Variants in PLEKHG3 observed in about 807,000 individuals in gnomAD.
The protein encoded by PLEKHG3 is pleckstrin homology domain-containing family G member 3.
A neutral mutation model predicts 94.9 loss-of-function variants in PLEKHG3; 62 were observed. The ratio of observed to expected loss-of-function variants is 0.65; its 90% CI spans 0.53 to 0.81. The LOEUF is 0.81. PLEKHG3 is among the 30% of genes least tolerant of loss of function. PLEKHG3 has a pLI of 0.00. For synonymous variants in PLEKHG3, 614 were observed against 654.0 expected (o/e 0.94, Z 0.93); for missense variants, 1,461 against 1,619.3 (o/e 0.90, Z 1.68).
rs887546779 is a variant in PLEKHG3, at chr14:64,742,230, C to G, written c.2713C>G (p.Pro905Ala). Residue 905 changes from proline to alanine, a missense_variant, in exon 16 of 17, where the codon CCC (proline) becomes GCC (alanine). Around this residue, in one of 3 missense-constraint regions of PLEKHG3, gnomAD observed 1,201 missense variants for 1,295.5 expected, o/e 0.93. Coordinates refer to ENST00000247226, the MANE Select transcript of PLEKHG3 (RefSeq NM_001308147.2). ...TQGELVAPLH[P>A]RIVQLSHVMD... The stretch of plus-strand genomic sequence containing the variant: ...GGGGGAGCTGGTGGCCCCACTGCAC[C>G]CCCGCATCGTGCAGCTCTCCCACGT... 8.1e-6 allele frequency: 13 copies of G among 1,613,040 alleles called. No individual in the cohort carries two copies. Among genetic ancestry groups the G allele is most frequent in the African/African-American group, 1.3e-5 (1 of 75,052 alleles).
intron 1 of PLEKHG3, among the ~76,000 whole-genome samples, chr14:64,708,206 C>T (rs946341993): frequency 6.6e-6 from 1 of 152,178 alleles, no homozygotes; most frequent in Non-Finnish European, 1.5e-5. Context: ...CCTATGCCCA[C>T]CCCCATCCTA....
At position 64,721,453 on chromosome 14, in the gene PLEKHG3, TC is replaced by T. The variant is rs1341744860; in HGVS notation, c.-39-6138del. ...CCCCTGGCAACACAATCCTTTTCCT[TC>T]CTGGCAGCTGTGGTCCTGCTGCAAG... On this transcript the variant is annotated intron_variant, in intron 1 of 16. Coordinates refer to ENST00000247226, the MANE Select transcript of PLEKHG3 (RefSeq NM_001308147.2). The surrounding 1 kb of genome is among the most constrained non-coding windows in gnomAD (Gnocchi z 4.3). Among the ~76,000 whole-genome samples the T allele has an allele frequency of 6.6e-6, 1 of 152,160 alleles. No individual in the cohort carries two copies. The highest frequency in any genetic ancestry group is 6.5e-5 in the Admixed American group (1 of 15,286).
Position 64,730,627 on chromosome 14 carries a change from T to G in PLEKHG3, c.520-15T>G. 1 of 1,605,374 alleles carries G rather than the reference T, an allele frequency of 6.2e-7. No homozygotes were observed. Among genetic ancestry groups the G allele is most frequent in the Non-Finnish European group, 8.5e-7 (1 of 1,172,064 alleles). On this transcript the variant is annotated splice_polypyrimidine_tract_variant and intron_variant, in intron 4 of 16. Transcript: ENST00000247226. The surrounding 1 kb of genome is among the most constrained non-coding windows in gnomAD (Gnocchi z 5.4). ...GAGAATCTCCCTGAAATCACTATTT[T>G]TGATCTCTTCTTAGAGCCAAGAGTT...
rs1566721316 is a variant in PLEKHG3 at position 64,743,435 on chromosome 14, A to G, written c.3392A>G (p.Tyr1131Cys). ...QSKPDGGETL[Y>C]VTADLTLEDN... The stretch of plus-strand genomic sequence containing the variant: ...AAGCCGGATGGAGGCGAGACCCTGT[A>G]TGTCACTGCAGACCTCACCCTGGAG... Residue 1131 changes from tyrosine to cysteine, a missense_variant, in exon 17 of 17, where the codon TAT becomes TGT. Coordinates refer to ENST00000247226, the MANE Select transcript of PLEKHG3 (RefSeq NM_001308147.2). This position sits in a 1 kb window ranked among gnomAD's most constrained non-coding sequence, Gnocchi z 7.2. 4 of 1,612,952 alleles carry G rather than the reference A, an allele frequency of 2.5e-6. No homozygotes were observed. Among genetic ancestry groups the G allele is most frequent in the Non-Finnish European group, 2.5e-6 (3 of 1,179,868 alleles).
At position 64,720,247 on chromosome 14, in the gene PLEKHG3, CA is replaced by C. The variant is rs1234622565; in HGVS notation, c.-39-7345del. ...GTGGCTGGTCACCTAGTATGTAGCC[CA>C]GCGGGGCAGCTATGCCGTGCTCTAG... On this transcript the variant is annotated intron_variant, in intron 1 of 16. Transcript: ENST00000247226. This position sits in a 1 kb window ranked among gnomAD's most constrained non-coding sequence, Gnocchi z 4.1. 6.6e-6 allele frequency among the ~76,000 whole-genome samples: 1 copy of C among 152,230 alleles called. No individual in the cohort carries two copies. The highest frequency in any genetic ancestry group is 2.4e-5 in the African/African-American group (1 of 41,458).
intron 1 of PLEKHG3, among the ~76,000 whole-genome samples, chr14:64,709,729 C>CTGTGTGTG (rs3063746): frequency 9.8e-4 from 141 of 144,106 alleles, no homozygotes; most frequent in African/African-American, 2.5e-3. Flanking sequence ...GGCTGTGAGA[C>CTGTGTGTG]TGTGTGTGTG....
intron 1 of PLEKHG3, among the ~76,000 whole-genome samples, chr14:64,705,043 GC>G (rs1187679521): frequency 9.2e-5 from 14 of 152,326 alleles, no homozygotes; most frequent in African/African-American, 3.4e-4. Context: ...GCGCCCGAGG[GC>G]TGGTGTTTGG....
chr14:64,713,367 T>C (rs2081089705), intron 1 of PLEKHG3, among the ~76,000 whole-genome samples: 1 of 152,090 alleles, frequency 6.6e-6, no homozygotes, highest in South Asian at 2.1e-4. Flanking sequence ...TTGTGAAGAG[T>C]TGATATGAAT....
In PLEKHG3 at chr14:64,727,986, C is replaced by T. The variant is rs773794785; in HGVS notation, c.351+4C>T. On this transcript the variant is annotated splice_donor_region_variant and intron_variant, in intron 2 of 16. Transcript: ENST00000247226. The surrounding 1 kb of genome is among the most constrained non-coding windows in gnomAD (Gnocchi z 6.0). ...GGACCTGCGCAGCATCGTGGAGGTGCGTGTCGGAGGCCTTGCGGCACAGTA... is the reference window on the plus strand; with the variant it reads ...GGACCTGCGCAGCATCGTGGAGGTGTGTGTCGGAGGCCTTGCGGCACAGTA... 14 of 1,534,724 alleles carry T rather than the reference C, an allele frequency of 9.1e-6. No homozygotes were observed. The highest frequency in any genetic ancestry group is 5.4e-5 in the Admixed American group (3 of 55,070).
chr14:64,715,088 T>C lies in PLEKHG3; in HGVS notation c.-40+10384T>C, dbSNP rs2081118235. Among the ~76,000 whole-genome samples the C allele has an allele frequency of 6.6e-6, 1 of 152,172 alleles. No individual in the cohort carries two copies. ...AAGGAAGGCCTGTGTCTTGGGGTTG[T>C]CTACTGCTGGTTACGTACTGTTTTT... is the stretch of plus-strand genomic sequence containing the variant. On this transcript the variant is annotated intron_variant, in intron 1 of 16. Coordinates refer to ENST00000247226, the MANE Select transcript of PLEKHG3 (RefSeq NM_001308147.2). This position sits in a 1 kb window ranked among gnomAD's most constrained non-coding sequence, Gnocchi z 4.4.
At chr14:64,736,278 TC>T (rs2081566652) in intron 12 of PLEKHG3, among the ~76,000 whole-genome samples, 1 of 152,186 alleles carries the variant, frequency 6.6e-6, no homozygotes, top group Admixed American at 6.5e-5. Context: ...TTGTATCCTG[TC>T]CCCAGAGCCT....
At chr14:64,737,907 C>G in intron 14 of PLEKHG3, 1 of 1,212,180 alleles carries the variant, frequency 8.2e-7, no homozygotes, top group Non-Finnish European at 1.0e-6. Flanking sequence ...GCAGCCCTCC[C>G]GTACTCGGGG....
chr14:64,722,667 T>A lies in PLEKHG3; in HGVS notation c.-39-4926T>A, dbSNP rs1775347924. ...CGGTGTGGCTTCTCATTCTTGAGTG[T>A]GGGGTGAAGGGCAGTGGATGAAATG... On this transcript the variant is annotated intron_variant, in intron 1 of 16. Transcript: ENST00000247226. This position sits in a 1 kb window ranked among gnomAD's most constrained non-coding sequence, Gnocchi z 4.3. Among the ~76,000 whole-genome samples the A allele has an allele frequency of 6.6e-6, 1 of 152,164 alleles. No homozygotes were observed. Among genetic ancestry groups the A allele is most frequent in the Non-Finnish European group, 1.5e-5 (1 of 68,014 alleles).
rs758189979 is a variant in PLEKHG3 at position 64,730,121 on chromosome 14, C to G, written c.450-122C>G. The G allele has an allele frequency of 1.3e-4, 81 of 624,278 alleles. No homozygotes were observed. The highest frequency in any genetic ancestry group is 2.3e-4 in the Non-Finnish European group (79 of 348,328). 38.7% of individuals were successfully genotyped at this position (624,278 alleles called of 1,614,324 possible). On this transcript the variant is annotated intron_variant, in intron 3 of 16. Coordinates refer to ENST00000247226, the MANE Select transcript of PLEKHG3 (RefSeq NM_001308147.2). This position sits in a 1 kb window ranked among gnomAD's most constrained non-coding sequence, Gnocchi z 5.4. ...GGACTCCCTCTGAGGCTAGAAGCCC[C>G]AGTTCTTTAGCAAAGCAATAGGGCT...
rs755471651 is a variant in PLEKHG3 at position 64,732,797 on chromosome 14, G to C, written c.1247-6G>C. 6.3e-7 allele frequency: 1 copy of C among 1,596,602 alleles called. No homozygotes were observed. The highest frequency in any genetic ancestry group is 8.5e-7 in the Non-Finnish European group (1 of 1,171,412). On this transcript the variant is annotated splice_region_variant and splice_polypyrimidine_tract_variant and intron_variant, in intron 11 of 16. Transcript: ENST00000247226. The surrounding 1 kb of genome is among the most constrained non-coding windows in gnomAD (Gnocchi z 4.9). ...AAAAGCTTGATCGTCTCTCTCCTGG[G>C]TGCAGATCCCAATCGGTACCGCTGC...
rs1163780921 is a variant in PLEKHG3, at chr14:64,723,779, G to T, written c.-39-3814G>T. ...GCCTCCCACAGTGCTGGGATTACAGGCGTGAGCCATCATGCCTGGCCGAGA... is the reference window on the plus strand; with the variant it reads ...GCCTCCCACAGTGCTGGGATTACAGTCGTGAGCCATCATGCCTGGCCGAGA... On this transcript the variant is annotated intron_variant, in intron 1 of 16. Transcript: ENST00000247226. This position sits in a 1 kb window ranked among gnomAD's most constrained non-coding sequence, Gnocchi z 4.5. 1 of 152,282 alleles carries T rather than the reference G, an allele frequency of 6.6e-6. No homozygotes were observed. The highest frequency in any genetic ancestry group is 1.5e-5 in the Non-Finnish European group (1 of 68,100). The allele number at this position is 152,282 out of a possible 1,614,324, so 9.4% of individuals were successfully genotyped here.
In PLEKHG3 at chr14:64,738,642, C is replaced by A; in HGVS notation, c.1405-100C>A. On this transcript the variant is annotated intron_variant, in intron 14 of 16. Transcript: ENST00000247226. The surrounding 1 kb of genome is among the most constrained non-coding windows in gnomAD (Gnocchi z 4.8). ...GGTCCAAGACTGGCTCTCAGCTCAG[C>A]CCAGCCCCTTGGGGCGTGGGAGGCA... is the stretch of plus-strand genomic sequence containing the variant. 1 of 872,126 alleles carries A rather than the reference C, an allele frequency of 1.1e-6. No individual in the cohort carries two copies. The highest frequency in any genetic ancestry group is 2.1e-5 in the Admixed American group (1 of 48,542). The allele number at this position is 872,126 out of a possible 1,614,324, so 54.0% of individuals were successfully genotyped here.
Position 64,720,371 on chromosome 14 carries a change from C to A in PLEKHG3, c.-39-7222C>A, listed in dbSNP as rs1296765979. Among the ~76,000 whole-genome samples, 2 of 152,222 alleles carry A rather than the reference C, an allele frequency of 1.3e-5. No individual in the cohort carries two copies. Among genetic ancestry groups the A allele is most frequent in the Admixed American group, 1.3e-4 (2 of 15,288 alleles). The stretch of plus-strand genomic sequence containing the variant: ...TTGATCGGAAACTTGCTGGCAGTGA[C>A]TAATGTGGAGACTCATTAGGCTAGG... On this transcript the variant is annotated intron_variant, in intron 1 of 16. Coordinates refer to ENST00000247226, the MANE Select transcript of PLEKHG3 (RefSeq NM_001308147.2). This position sits in a 1 kb window ranked among gnomAD's most constrained non-coding sequence, Gnocchi z 4.1.
In PLEKHG3 at chr14:64,730,437, A is replaced by G. The variant is rs914391322; in HGVS notation, c.519+125A>G. 3.9e-6 allele frequency: 3 copies of G among 761,936 alleles called. No homozygotes were observed. Among genetic ancestry groups the G allele is most frequent in the African/African-American group, 1.7e-5 (1 of 58,134 alleles). The allele number at this position is 761,936 out of a possible 1,614,324, so 47.2% of individuals were successfully genotyped here. ...TTCCAGGGAAAGTCCTGGGTGCTCT[A>G]TCTTGAATGAGAAGGGTGTTCTGAG... On this transcript the variant is annotated intron_variant, in intron 4 of 16. Transcript: ENST00000247226. The surrounding 1 kb of genome is among the most constrained non-coding windows in gnomAD (Gnocchi z 5.4).
Sources: allele counts gnomAD v4.1 joint callset (sites outside exome capture counted in the v4.1 genomes callset), GRCh38; gene constraint gnomAD v4.1.1; regional missense constraint gnomAD v4.1.1; non-coding constraint Gnocchi (gnomAD v3.1); transcripts MANE v1.5; gene names NCBI Gene and HGNC (gene_info 2026-07-23, HGNC 2026-07-21).